Variants in ENOX1 observed in about 807,000 individuals in gnomAD.
The protein encoded by ENOX1 is ecto-NOX disulfide-thiol exchanger 1, also known as candidate growth-related and time keeping constitutive hydroquinone (NADH) oxidase.
ENOX1 carries 42 observed loss-of-function variants against 82.5 expected under a neutral mutation model. The ratio of observed to expected loss-of-function variants is 0.51; its 90% CI spans 0.40 to 0.66. ENOX1 has a LOEUF of 0.66. Ranked by LOEUF, ENOX1 falls within the 30% of genes least tolerant of loss-of-function variation. ENOX1 has a pLI of 0.00. For missense variants in ENOX1, 608 were observed against 811.6 expected (o/e 0.75, Z 3.05); for synonymous variants, 271 against 282.2 (o/e 0.96, Z 0.40).
At position 43,362,230 on chromosome 13, in the gene ENOX1, C is replaced by CT. The variant is rs77130635; in HGVS notation, c.209-779dup. Among the ~76,000 whole-genome samples, 420 of 140,208 alleles carry CT rather than the reference C, an allele frequency of 3.0e-3. 1 individual carries two copies. Among genetic ancestry groups the CT allele is most frequent in the Middle Eastern group, 7.5e-3 (2 of 268 alleles). The allele number at this position is 140,208 out of a possible 152,430, so 92.0% of individuals were successfully genotyped here. Reference sequence around the variant, plus strand: ...TGTGCAAAACAAATGGGTTTTCCAGCTTTTTTTTTTTTTAGTGTGATAATG... The same window carrying CT: ...TGTGCAAAACAAATGGGTTTTCCAGCTTTTTTTTTTTTTTAGTGTGATAATG... On this transcript the variant is annotated intron_variant, in intron 5 of 16. Transcript: ENST00000690772.
chr13:43,716,404 AT>A (rs1376653995), intron 1 of ENOX1, among the ~76,000 whole-genome samples: 8 of 152,144 alleles, frequency 5.3e-5, no homozygotes, highest in Non-Finnish European at 1.2e-4. Flanking sequence ...GAAATCGCCC[AT>A]CTTCTGCGTC....
chr13:43,431,858 C>T (rs892229100), intron 3 of ENOX1, among the ~76,000 whole-genome samples: 6 of 152,180 alleles, frequency 3.9e-5, no homozygotes, highest in South Asian at 4.1e-4. Context: ...GGAGCACACA[C>T]GTCATAGGCA....
rs1321785219 is a variant in ENOX1, at chr13:43,269,500, T to C, written c.1524A>G (p.Thr508=). ...LEQAKEEQSH[T]QALLKVLQEQ... is the part of the protein sequence containing the mutation. ...CCTGCAGGACTTTTAGTAACGCTTG[T>C]GTATGGGACTGCTCTTCCTTTGCTT... Residue 508 remains threonine (T), a synonymous_variant, in exon 13 of 17, where the codon ACA becomes ACG. Transcript: ENST00000690772. 6.2e-7 allele frequency: 1 copy of C among 1,614,006 alleles called. No homozygotes were observed. Among genetic ancestry groups the C allele is most frequent in the Admixed American group, 1.7e-5 (1 of 60,026 alleles).
At chr13:43,701,674 G>A (rs915356171) in intron 1 of ENOX1, among the ~76,000 whole-genome samples, 8 of 151,856 alleles carry the variant, frequency 5.3e-5, no homozygotes, top group Non-Finnish European at 7.4e-5. Context: ...CTATATTTTT[G>A]GGATTTTTAT....
At chr13:43,438,985 T>G (rs17064533) in intron 3 of ENOX1, among the ~76,000 whole-genome samples, 3,732 of 151,776 alleles carry the variant, frequency 0.025, 161 homozygotes, top group African/African-American at 0.084. Context: ...CTTTCTATGC[T>G]CAACAGTGTA....
intron 3 of ENOX1, among the ~76,000 whole-genome samples, chr13:43,429,552 T>G (rs911035198): frequency 3.3e-5 from 5 of 152,182 alleles, no homozygotes; most frequent in Admixed American, 1.3e-4. Flanking sequence ...GTTTGTAAAT[T>G]CCTTTGGTTC....
At chr13:43,267,742 G>T (rs1402252044) in intron 13 of ENOX1, among the ~76,000 whole-genome samples, 1 of 152,164 alleles carries the variant, frequency 6.6e-6, no homozygotes, top group African/African-American at 2.4e-5. Flanking sequence ...CCACCAAGGG[G>T]TAGCAGGTGA....
intron 3 of ENOX1, among the ~76,000 whole-genome samples, chr13:43,413,985 AG>A (rs998416331): frequency 9.2e-5 from 14 of 152,104 alleles, no homozygotes; most frequent in Non-Finnish European, 1.8e-4. Flanking sequence ...TTTTTATTTT[AG>A]TATAAATTTA....
intron 1 of ENOX1, among the ~76,000 whole-genome samples, chr13:43,670,884 A>AACAAC (rs2085235002): frequency 1.4e-5 from 2 of 139,684 alleles, no homozygotes; most frequent in Admixed American, 1.5e-4. Flanking sequence ...ACAACAACAA[A>AACAAC]ACACCAGTAT....
intron 2 of ENOX1, among the ~76,000 whole-genome samples, chr13:43,650,882 C>T (rs997538195): frequency 6.6e-6 from 1 of 152,182 alleles, no homozygotes; most frequent in African/African-American, 2.4e-5. Flanking sequence ...GTCTGGTCCA[C>T]GTTAACAGAC....
At chr13:43,370,795 T>C (rs1413557689) in intron 5 of ENOX1, among the ~76,000 whole-genome samples, 4 of 152,298 alleles carry the variant, frequency 2.6e-5, no homozygotes, top group Middle Eastern at 3.4e-3. Context: ...TTCTATATCA[T>C]TGTCTTTTTT....
chr13:43,647,995 A>G (rs1472343200), intron 2 of ENOX1, among the ~76,000 whole-genome samples: 1 of 152,234 alleles, frequency 6.6e-6, no homozygotes, highest in Non-Finnish European at 1.5e-5. Context: ...GGAAAAGGCA[A>G]GAGCATGGAT....
At chr13:43,619,445 A>G (rs2082629812) in intron 2 of ENOX1, among the ~76,000 whole-genome samples, 1 of 152,018 alleles carries the variant, frequency 6.6e-6, no homozygotes, top group African/African-American at 2.4e-5. Context: ...TTTGCTGAGA[A>G]TTCTAATCAT....
chr13:43,414,072 T>C (rs1180669534), intron 3 of ENOX1, among the ~76,000 whole-genome samples: 2 of 152,210 alleles, frequency 1.3e-5, no homozygotes, highest in Non-Finnish European at 2.9e-5. Context: ...GTATCTAATG[T>C]GAAGTTCGAA....
At position 43,286,245 on chromosome 13, in the gene ENOX1, G is replaced by T. The variant is rs142024823; in HGVS notation, c.1446+12101C>A. Among the ~76,000 whole-genome samples, 39 of 152,310 alleles carry T rather than the reference G, an allele frequency of 2.6e-4. No individual in the cohort carries two copies. The East Asian group carries it at 6.4e-3, about 25-fold the overall frequency. On this transcript the variant is annotated intron_variant, in intron 12 of 16. Transcript: ENST00000690772. ...GAGAAAGATGACAATGGTCAGCGTG[G>T]TAGGCCAGTATATGTCTGCAGCAAA...
At chr13:43,737,706 C>T (rs2089700927) in intron 1 of ENOX1, among the ~76,000 whole-genome samples, 1 of 152,104 alleles carries the variant, frequency 6.6e-6, no homozygotes, top group Non-Finnish European at 1.5e-5. Context: ...TAAAAGGGAC[C>T]ACGTGGTTAA....
intron 16 of ENOX1, among the ~76,000 whole-genome samples, chr13:43,216,088 C>T (rs1164403453): frequency 6.6e-6 from 1 of 152,110 alleles, no homozygotes; most frequent in East Asian, 1.9e-4. Flanking sequence ...CCCAGCTACT[C>T]AGGAGGCCAA....
intron 1 of ENOX1, among the ~76,000 whole-genome samples, chr13:43,784,402 G>A (rs1952451583): frequency 6.6e-6 from 1 of 152,160 alleles, no homozygotes; most frequent in Non-Finnish European, 1.5e-5. Context: ...ATCAAATCCT[G>A]TTTCTTGAAT....
intron 5 of ENOX1, among the ~76,000 whole-genome samples, chr13:43,398,717 G>A (rs1004177117): frequency 4.0e-5 from 6 of 151,376 alleles, no homozygotes; most frequent in Admixed American, 2.6e-4. Flanking sequence ...CCTACCCAAC[G>A]TGAAGACGAG....
Sources: allele counts gnomAD v4.1 joint callset (sites outside exome capture counted in the v4.1 genomes callset), GRCh38; gene constraint gnomAD v4.1.1; transcripts MANE v1.5; gene names NCBI Gene and HGNC (gene_info 2026-07-23, HGNC 2026-07-21).